Variants in PPM1E observed in about 807,000 individuals in gnomAD.
PPM1E encodes protein phosphatase, Mg2+/Mn2+ dependent 1E.
A neutral mutation model predicts 65.9 loss-of-function variants in PPM1E; 20 were observed. The ratio of observed to expected loss-of-function variants is 0.30; its 90% confidence interval spans 0.21 to 0.44. The LOEUF (loss-of-function observed/expected upper bound fraction) is 0.44. Ranked by LOEUF, PPM1E falls within the 20% of genes least tolerant of loss-of-function variation. The pLI is 1.00. For synonymous variants in PPM1E, 352 were observed against 374.9 expected (o/e 0.94, Z 0.70); for missense variants, 713 against 953.1 (o/e 0.75, Z 3.32).
At chr17:58,956,781 G>A (rs561692665) in intron 2 of PPM1E, among the ~76,000 whole-genome samples, 1 of 152,046 alleles carries the variant, frequency 6.6e-6, no homozygotes. Flanking sequence ...TATTTCATAC[G>A]GTTTGTTCTA....
intron 1 of PPM1E, among the ~76,000 whole-genome samples, chr17:58,896,565 A>G (rs949276447): frequency 6.6e-6 from 1 of 152,208 alleles, no homozygotes; most frequent in African/African-American, 2.4e-5. Flanking sequence ...AGCCTGGGCA[A>G]CAGAGCTAGA....
At chr17:58,854,081 C>T (rs1204192356) in intron 1 of PPM1E, among the ~76,000 whole-genome samples, 3 of 152,060 alleles carry the variant, frequency 2.0e-5, no homozygotes, top group Non-Finnish European at 4.4e-5. Context: ...TTAATGTCCT[C>T]TTTAATTTCT....
chr17:58,912,141 G>T (rs1245483641), intron 1 of PPM1E, among the ~76,000 whole-genome samples: 2 of 152,224 alleles, frequency 1.3e-5, no homozygotes, highest in South Asian at 2.1e-4. Flanking sequence ...AGGGAGGGAG[G>T]GGGTAGGAGT....
chr17:58,849,357 T>A (rs2050802899), intron 1 of PPM1E, among the ~76,000 whole-genome samples: 1 of 152,222 alleles, frequency 6.6e-6, no homozygotes, highest in Admixed American at 6.5e-5. Flanking sequence ...CTTTTAATTG[T>A]GATGTTAGGG....
At chr17:58,948,883 T>C (rs2052199106) in intron 1 of PPM1E, among the ~76,000 whole-genome samples, 1 of 152,240 alleles carries the variant, frequency 6.6e-6, no homozygotes, top group Non-Finnish European at 1.5e-5. Flanking sequence ...ATACTTGATA[T>C]GACTTCAATT....
intron 1 of PPM1E, among the ~76,000 whole-genome samples, chr17:58,882,541 C>T (rs1431273934): frequency 1.3e-5 from 2 of 152,056 alleles, no homozygotes; most frequent in Non-Finnish European, 2.9e-5. Flanking sequence ...CAAGTGCGTG[C>T]CACCACGCCT....
intron 1 of PPM1E, among the ~76,000 whole-genome samples, chr17:58,902,532 A>G (rs2051510569): frequency 6.6e-6 from 1 of 152,104 alleles, no homozygotes; most frequent in Non-Finnish European, 1.5e-5. Context: ...CACAGAAGTC[A>G]TTTGTCTCTG....
intron 1 of PPM1E, among the ~76,000 whole-genome samples, chr17:58,868,875 TAA>T (rs2051037701): frequency 6.6e-6 from 1 of 152,150 alleles, no homozygotes; most frequent in Non-Finnish European, 1.5e-5. Flanking sequence ...TTATAAAGTT[TAA>T]GTTACAAGGC....
intron 1 of PPM1E, among the ~76,000 whole-genome samples, chr17:58,941,415 C>G (rs2045180695): frequency 6.6e-6 from 1 of 152,088 alleles, no homozygotes; most frequent in Admixed American, 6.5e-5. Flanking sequence ...GCTGGTCATG[C>G]TGGGTGCAGT....
intron 1 of PPM1E, among the ~76,000 whole-genome samples, chr17:58,790,724 T>G (rs915057962): frequency 6.6e-6 from 1 of 152,084 alleles, no homozygotes; most frequent in African/African-American, 2.4e-5. Flanking sequence ...CCAGCTGAAC[T>G]TCAATGGCCA....
intron 1 of PPM1E, among the ~76,000 whole-genome samples, chr17:58,774,164 C>G (rs866148666): frequency 1.1e-4 from 16 of 150,952 alleles, no homozygotes; most frequent in African/African-American, 3.4e-4. Context: ...CTCTGTCCCC[C>G]CCCCCCAAAA....
intron 1 of PPM1E, among the ~76,000 whole-genome samples, chr17:58,815,278 A>G (rs1040056789): frequency 3.3e-5 from 5 of 152,236 alleles, no homozygotes; most frequent in Admixed American, 6.5e-5. Context: ...TAACTACAAC[A>G]TAACAGGGAA....
At chr17:58,885,129 T>G (rs1057486103) in intron 1 of PPM1E, among the ~76,000 whole-genome samples, 1 of 152,222 alleles carries the variant, frequency 6.6e-6, no homozygotes, top group African/African-American at 2.4e-5. Flanking sequence ...TGATCTCGGC[T>G]CACTGCAACC....
intron 1 of PPM1E, among the ~76,000 whole-genome samples, chr17:58,862,165 A>C (rs780599071): frequency 6.6e-6 from 1 of 152,234 alleles, no homozygotes; most frequent in Admixed American, 6.5e-5. Context: ...GCCTGTTTCA[A>C]ACAGAGACAG....
rs148760609 is a variant in PPM1E at position 58,980,627 on chromosome 17, G to A, written c.1864G>A (p.Gly622Ser). The A allele has an allele frequency of 1.2e-5, 20 of 1,614,196 alleles. No homozygotes were observed. In the African/African-American group the frequency reaches 1.9e-4, roughly 15 times the overall value. The change falls in exon 7 of 7, where the codon GGT becomes AGT. Residue 622 changes from glycine (G) to serine (S), a missense_variant. Physicochemically the swap from Gly to Ser is moderately conservative, Grantham distance 56 (BLOSUM62 0). Around this residue, in one of 6 missense-constraint regions of PPM1E, gnomAD observed 286 missense variants for 313.8 expected, o/e 0.91. Transcript: ENST00000308249. The surrounding 1 kb of genome is among the most constrained non-coding windows in gnomAD (Gnocchi z 4.7). ...TCAGTCATCATTGCCTGAATGGAGT[G>A]GTGCTGGAGAGTTTCCCACTGCTTT... ...SVQSSLPEWSGAGEFPTAFNL... is the reference protein window; with the variant it reads ...SVQSSLPEWSSAGEFPTAFNL...
At chr17:58,771,835 AAC>A (rs1334526481) in intron 1 of PPM1E, among the ~76,000 whole-genome samples, 2 of 152,126 alleles carry the variant, frequency 1.3e-5, no homozygotes, top group Non-Finnish European at 2.9e-5. Flanking sequence ...CCATATGCCA[AAC>A]ACTGTGCTAA....
intron 1 of PPM1E, among the ~76,000 whole-genome samples, chr17:58,906,368 T>C (rs1424895443): frequency 6.6e-6 from 1 of 152,202 alleles, no homozygotes; most frequent in Non-Finnish European, 1.5e-5. Context: ...TAATTTTTAT[T>C]ATTTCCTTCA....
chr17:58,978,756 G>C lies in PPM1E; in HGVS notation c.1211-1218G>C, dbSNP rs375236482. Among the ~76,000 whole-genome samples, 459 of 152,174 alleles carry C rather than the reference G, an allele frequency of 3.0e-3. 1 individual carries two copies. Among genetic ancestry groups the C allele is most frequent in the African/African-American group, 0.01 (416 of 41,506 alleles). On this transcript the variant is annotated intron_variant, in intron 6 of 6. Transcript: ENST00000308249. ...CCCTTGTTGTAGTCATAAGCTATTT[G>C]GTTACCTCATAGGCTAAGGACCCTT...
At chr17:58,922,315 C>T (rs972232295) in intron 1 of PPM1E, among the ~76,000 whole-genome samples, 21 of 151,912 alleles carry the variant, frequency 1.4e-4, no homozygotes, top group African/African-American at 5.1e-4. Context: ...TGCAGTGGCA[C>T]GATCATAGCT....
Sources: gnomAD v4.1 joint callset for allele counts (sites outside exome capture counted in the v4.1 genomes callset) on GRCh38, gnomAD v4.1.1 for gene constraint, gnomAD v4.1.1 regional missense constraint, Gnocchi (gnomAD v3.1) non-coding constraint, MANE v1.5 for transcripts, NCBI Gene and HGNC (gene_info 2026-07-23, HGNC 2026-07-21) for gene names.